TRDN: variants seen among roughly 807,000 people sequenced by gnomAD.
TRDN encodes triadin in skeletal muscle.
Under a neutral mutation model 149.7 loss-of-function variants are expected in TRDN, and 161 were observed. The observed-to-expected ratio is 1.08, with a 90% CI of 0.95 to 1.23. The LOEUF (loss-of-function observed/expected upper bound fraction) is 1.23, where lower values mean the gene tolerates loss of function less well. TRDN is among the 50% of genes most tolerant of loss of function. The pLI, the probability that TRDN is intolerant of heterozygous loss-of-function variation, is 0.00. For missense variants in TRDN, 896 were observed against 823.5 expected (o/e 1.09, Z -1.08); for synonymous variants, 294 against 250.5 (o/e 1.17, Z -1.64).
chr6:123,481,439 A>T (rs1777744038), intron 9 of TRDN, among the ~76,000 whole-genome samples: 1 of 151,506 alleles, frequency 6.6e-6, no homozygotes, highest in Admixed American at 6.6e-5. Flanking sequence ...AAAAAACCTA[A>T]GTGGCAGGGA....
chr6:123,462,774 A>G (rs1468192122), intron 10 of TRDN: 1 of 152,124 alleles, frequency 6.6e-6, no homozygotes, highest in East Asian at 1.9e-4. Flanking sequence ...GGACTGGCAT[A>G]ATCAGCCTCA....
At chr6:123,388,385 C>T in intron 14 of TRDN, 137 bp downstream of exon 14, 3 of 965,620 alleles carry the variant, frequency 3.1e-6, no homozygotes, top group Non-Finnish European at 4.8e-6. Context: ...AGAAAAAGCA[C>T]ATTCATGCAA....
chr6:123,478,469 T>C (rs1384039652), intron 9 of TRDN, among the ~76,000 whole-genome samples: 2 of 152,200 alleles, frequency 1.3e-5, no homozygotes, highest in African/African-American at 4.8e-5. Flanking sequence ...TTTAGTTATC[T>C]GAACAATATT....
At chr6:123,544,178 A>C (rs1356662740) in intron 4 of TRDN, among the ~76,000 whole-genome samples, 1 of 151,828 alleles carries the variant, frequency 6.6e-6, no homozygotes, top group Non-Finnish European at 1.5e-5. Flanking sequence ...AGCGTTCATC[A>C]ATAAATCTAA....
chr6:123,309,904 C>G (rs1414735003), intron 24 of TRDN, among the ~76,000 whole-genome samples: 1 of 151,916 alleles, frequency 6.6e-6, no homozygotes, highest in Non-Finnish European at 1.5e-5. Context: ...TAAACACTTC[C>G]AGATCATACA....
chr6:123,278,253 A>C, intron 26 of TRDN, 65 bp downstream of exon 26: 2 of 1,090,720 alleles, frequency 1.8e-6, no homozygotes, highest in Non-Finnish European at 2.5e-6. Flanking sequence ...ACATTTGCAA[A>C]GAGATATTGT....
chr6:123,418,709 A>G (rs945588564), intron 12 of TRDN: 5 of 152,100 alleles, frequency 3.3e-5, no homozygotes, highest in African/African-American at 1.2e-4. Context: ...CACTGACTCC[A>G]TTCCATCTTC....
At chr6:123,502,629 T>C (rs1778747568) in intron 8 of TRDN, 2 of 984,808 alleles carry the variant, frequency 2.0e-6, no homozygotes, top group South Asian at 4.7e-5. Context: ...AAATTTCATT[T>C]CTTGTGCCTT....
chr6:123,450,808 A>G (rs896296421), intron 10 of TRDN, among the ~76,000 whole-genome samples: 16 of 152,082 alleles, frequency 1.1e-4, no homozygotes, highest in African/African-American at 3.9e-4. Flanking sequence ...ATTCTATTCA[A>G]TAGTGCACGG....
At chr6:123,480,846 A>G (rs1777717180) in intron 9 of TRDN, among the ~76,000 whole-genome samples, 1 of 152,088 alleles carries the variant, frequency 6.6e-6, no homozygotes, top group African/African-American at 2.4e-5. Flanking sequence ...CCTATCTCCT[A>G]TCTTTGCTGG....
At chr6:123,558,555 G>A (rs1781804074) in intron 2 of TRDN, among the ~76,000 whole-genome samples, 1 of 152,080 alleles carries the variant, frequency 6.6e-6, no homozygotes, top group African/African-American at 2.4e-5. Flanking sequence ...ACCCAGCCCA[G>A]TTCATGGCTT....
intron 1 of TRDN, among the ~76,000 whole-genome samples, chr6:123,592,766 G>A (rs1783843980): frequency 1.3e-5 from 2 of 152,130 alleles, no homozygotes; most frequent in Non-Finnish European, 2.9e-5. Context: ...TTGCTTTAGA[G>A]CTCATGTTTT....
chr6:123,272,690 C>A (rs896753411), intron 29 of TRDN, among the ~76,000 whole-genome samples: 10 of 151,806 alleles, frequency 6.6e-5, no homozygotes, highest in Non-Finnish European at 1.5e-4. Context: ...AAGTATAGAG[C>A]CCATTCATCT....
intron 20 of TRDN, among the ~76,000 whole-genome samples, chr6:123,365,746 G>C (rs757433380): frequency 4.6e-5 from 7 of 152,076 alleles, no homozygotes; most frequent in Non-Finnish European, 7.4e-5. Context: ...TACTATTCTT[G>C]AACAAAGTGA....
At chr6:123,444,656 T>A (rs1167036256) in intron 10 of TRDN, among the ~76,000 whole-genome samples, 2 of 151,576 alleles carry the variant, frequency 1.3e-5, no homozygotes, top group Non-Finnish European at 2.9e-5. Context: ...TGGCTGTGGG[T>A]TTGTCATAGA....
intron 9 of TRDN, among the ~76,000 whole-genome samples, chr6:123,495,484 A>C (rs1310174236): frequency 6.6e-6 from 1 of 151,774 alleles, no homozygotes; most frequent in Non-Finnish European, 1.5e-5. Context: ...ACACCATTGC[A>C]CTCCAGCCTG....
chr6:123,420,587 T>G lies in TRDN; in HGVS notation c.1051+17476A>C, dbSNP rs527855515. On this transcript the variant is annotated intron_variant, in intron 12 of 40. Coordinates refer to ENST00000334268, the MANE Select transcript of TRDN (RefSeq NM_006073.4). Reference sequence around the variant, plus strand: ...TCTACATGACCACAGTGAGCAAAAGTGAATAAAGACAAAGTAAATGCAGAA... The same window carrying G: ...TCTACATGACCACAGTGAGCAAAAGGGAATAAAGACAAAGTAAATGCAGAA... 7.2e-5 allele frequency among the ~76,000 whole-genome samples: 11 copies of G among 152,236 alleles called. No homozygotes were observed. The South Asian group carries it at 1.7e-3, about 23-fold the overall frequency.
chr6:123,581,007 T>C (rs1783095003), intron 1 of TRDN, among the ~76,000 whole-genome samples: 1 of 152,168 alleles, frequency 6.6e-6, no homozygotes, highest in Non-Finnish European at 1.5e-5. Flanking sequence ...CAGCCTCAAG[T>C]GATCCTTTCC....
chr6:123,427,987 C>A (rs888951873), intron 12 of TRDN, among the ~76,000 whole-genome samples: 6 of 152,148 alleles, frequency 3.9e-5, no homozygotes, highest in Admixed American at 6.6e-5. Context: ...ACTAAAATTT[C>A]TCCCTTGTGT....
Sources: gnomAD v4.1 joint callset for allele counts (sites outside exome capture counted in the v4.1 genomes callset) on GRCh38, gnomAD v4.1.1 for gene constraint, MANE v1.5 for transcripts, NCBI Gene and HGNC (gene_info 2026-07-23, HGNC 2026-07-21) for gene names.